Variants in SYNE1 observed in about 807,000 individuals in gnomAD.
The protein encoded by SYNE1 is nesprin-1.
Under a neutral mutation model 1,111.0 loss-of-function variants are expected in SYNE1, and 616 were observed. That is an observed-to-expected ratio of 0.55 (90% confidence interval 0.52 to 0.59). The LOEUF is 0.59. Ranked by LOEUF, SYNE1 falls within the 20% of genes least tolerant of loss-of-function variation. The probability of loss-of-function intolerance (pLI) is 0.00; values close to 1 mark genes in which losing one functional copy is unlikely to be tolerated. For synonymous variants in SYNE1, 3,855 were observed against 3,825.8 expected (o/e 1.01, Z -0.28); for missense variants, 10,006 against 10,417.0 (o/e 0.96, Z 1.72).
chr6:152,362,983 C>T (rs994744194), intron 63 of SYNE1, among the ~76,000 whole-genome samples: 6 of 151,320 alleles, frequency 4.0e-5, no homozygotes, highest in Non-Finnish European at 7.4e-5. Flanking sequence ...CGGGTTCACG[C>T]CATTCTCCTT....
At chr6:152,443,136 C>T (rs1000563275) in intron 30 of SYNE1, among the ~76,000 whole-genome samples, 7 of 152,108 alleles carry the variant, frequency 4.6e-5, no homozygotes, top group African/African-American at 1.7e-4. Flanking sequence ...TAAAAAGTAC[C>T]TGGCCTAAGC....
chr6:152,526,320 G>T (rs2099163519), intron 4 of SYNE1, 145 bp from the exon 5 acceptor site: 1 of 794,736 alleles, frequency 1.3e-6, no homozygotes, highest in South Asian at 1.5e-5. Flanking sequence ...GGATTGAGTT[G>T]CCAATTGCCT....
At chr6:152,355,535 G>A (rs559032299) in intron 66 of SYNE1, among the ~76,000 whole-genome samples, 59 of 152,278 alleles carry the variant, frequency 3.9e-4, no homozygotes, top group African/African-American at 1.4e-3. Flanking sequence ...CCCACCAGGT[G>A]CTCTGAGGTG....
At chr6:152,437,678 A>G (rs951551006) in intron 32 of SYNE1, among the ~76,000 whole-genome samples, 1 of 152,182 alleles carries the variant, frequency 6.6e-6, no homozygotes, top group Admixed American at 6.5e-5. Context: ...GAAAAGGTAA[A>G]CCCAGTAATA....
In SYNE1 at chr6:152,456,051, C is replaced by T. The variant is rs372744173; in HGVS notation, c.2569-7G>A. The T allele has an allele frequency of 5.1e-5, 82 of 1,611,462 alleles. No individual in the cohort carries two copies. The highest frequency in any genetic ancestry group is 4.5e-4 in the South Asian group (41 of 91,058). On this transcript the variant is annotated splice_polypyrimidine_tract_variant and splice_region_variant and intron_variant, in intron 22 of 145. Transcript: ENST00000367255. ...CTTGACAAGCTAACAGTTCCTATAA[C>T]GAAATGAAACCCCACAACAATGTTA...
chr6:152,302,283 TC>T (rs1278353971), intron 91 of SYNE1: 1 of 627,216 alleles, frequency 1.6e-6, no homozygotes, highest in Non-Finnish European at 2.8e-6. Flanking sequence ...CGAGCCCGCG[TC>T]CCCGCGTCGG....
intron 110 of SYNE1, among the ~76,000 whole-genome samples, chr6:152,235,803 A>G (rs1487074920): frequency 6.6e-6 from 1 of 152,108 alleles, no homozygotes; most frequent in Non-Finnish European, 1.5e-5. Context: ...GTACAGTAGC[A>G]TGATCATGGC....
chr6:152,537,754 C>T (rs889187938), intron 4 of SYNE1, among the ~76,000 whole-genome samples: 23 of 152,220 alleles, frequency 1.5e-4, no homozygotes, highest in Middle Eastern at 3.4e-3. Flanking sequence ...TAATTGAATA[C>T]CCTTTATTTC....
chr6:152,303,732 G>A (rs543035161), intron 91 of SYNE1, among the ~76,000 whole-genome samples: 62 of 152,222 alleles, frequency 4.1e-4, no homozygotes, highest in Non-Finnish European at 8.4e-4. Context: ...ATTATAAATA[G>A]GTGTTATACT....
intron 46 of SYNE1, chr6:152,402,617 G>C (rs1054502016): frequency 6.6e-5 from 10 of 152,184 alleles, no homozygotes; most frequent in African/African-American, 2.4e-4. Flanking sequence ...AAATGCAGGG[G>C]ACAAATATCC....
intron 101 of SYNE1, among the ~76,000 whole-genome samples, chr6:152,261,551 T>A (rs1562588922): frequency 2.0e-5 from 3 of 152,168 alleles, no homozygotes; most frequent in Non-Finnish European, 4.4e-5. Flanking sequence ...TGGCTTCACT[T>A]CCCTGCCCTA....
chr6:152,633,562 G>A (rs2099701450), intron 2 of SYNE1, among the ~76,000 whole-genome samples: 1 of 151,868 alleles, frequency 6.6e-6, no homozygotes, highest in South Asian at 2.1e-4. Context: ...ACCATCTGCT[G>A]CATTTTTTTT....
chr6:152,144,719 G>A (rs1365922448), intron 137 of SYNE1: 1 of 152,282 alleles, frequency 6.6e-6, no homozygotes. Context: ...AAAAACTGAA[G>A]CGTAAACTAG....
intron 32 of SYNE1, among the ~76,000 whole-genome samples, chr6:152,436,426 T>C (rs1328916640): frequency 1.3e-5 from 2 of 152,084 alleles, no homozygotes; most frequent in Non-Finnish European, 2.9e-5. Context: ...CTCAACCTCC[T>C]GAGTAGCTGG....
intron 80 of SYNE1, 132 bp downstream of exon 80, chr6:152,325,826 T>C (rs895648867): frequency 7.8e-6 from 9 of 1,147,524 alleles, no homozygotes; most frequent in Admixed American, 7.3e-5. Context: ...AAAACTTCTA[T>C]AAAATGTTGT....
chr6:152,326,693 A>G, intron 78 of SYNE1, 60 bp from the exon 79 acceptor site: 1 of 1,508,474 alleles, frequency 6.6e-7, no homozygotes, highest in East Asian at 2.3e-5. Context: ...TGCAGGAAAG[A>G]GTTTTATTCA....
At chr6:152,417,308 C>T (rs1290997785) in intron 40 of SYNE1, among the ~76,000 whole-genome samples, 1 of 152,162 alleles carries the variant, frequency 6.6e-6, no homozygotes, top group Non-Finnish European at 1.5e-5. Context: ...ACCATCCTGG[C>T]TAACACGGTG....
At chr6:152,337,955 CTGGGCAA>C (rs2096441782) in intron 75 of SYNE1, among the ~76,000 whole-genome samples, 1 of 152,040 alleles carries the variant, frequency 6.6e-6, no homozygotes, top group African/African-American at 2.4e-5. Flanking sequence ...CGAGACCCAC[CTGGGCAA>C]CACAGTGAAA....
chr6:152,186,865 A>G (rs1438370465), intron 128 of SYNE1, among the ~76,000 whole-genome samples: 2 of 152,208 alleles, frequency 1.3e-5, no homozygotes. Flanking sequence ...TGGGCTCACA[A>G]ACGTAACTGA....
Sources: allele counts gnomAD v4.1 joint callset (sites outside exome capture counted in the v4.1 genomes callset), GRCh38; gene constraint gnomAD v4.1.1; transcripts MANE v1.5; gene names NCBI Gene and HGNC (gene_info 2026-07-23, HGNC 2026-07-21).